FAM184B: variants seen among roughly 807,000 people sequenced by gnomAD.
FAM184B encodes protein FAM184B.
FAM184B carries 111 observed loss-of-function variants against 135.9 expected under a neutral mutation model. The ratio of observed to expected loss-of-function variants is 0.82; its 90% CI spans 0.70 to 0.96. FAM184B has a LOEUF of 0.96. Among genes scored for constraint, FAM184B ranks in the 40% least tolerant of loss-of-function variants. The pLI is 0.00. For missense variants in FAM184B, 1,375 were observed against 1,323.9 expected, an observed-to-expected ratio of 1.04 and a Z score of -0.60; for synonymous variants, 552 against 524.8, an observed-to-expected ratio of 1.05 and a Z score of -0.71.
At chr4:17,750,647 C>T (rs1718270555) in intron 1 of FAM184B, among the ~76,000 whole-genome samples, 1 of 152,146 alleles carries the variant, frequency 6.6e-6, no homozygotes, top group Non-Finnish European at 1.5e-5. Flanking sequence ...GCCAAATGTC[C>T]CCAGGGGGAA....
chr4:17,633,865 G>T lies in FAM184B; in HGVS notation c.2913C>A (p.Pro971=), dbSNP rs1186548737. Residue 971 remains proline (P), a synonymous_variant, in exon 17 of 18, where the codon CCC becomes CCA. Coordinates refer to ENST00000265018, the MANE Select transcript of FAM184B (RefSeq NM_015688.2). ...SMKKKKVEDV[P]SRVVSVPNLA... is the part of the protein sequence containing the mutation. ...GGTTCGGCACGCTGACCACGCGGCTGGGCACGTCCTCCACCTTCTTTTTCT... is the reference window on the plus strand; with the variant it reads ...GGTTCGGCACGCTGACCACGCGGCTTGGCACGTCCTCCACCTTCTTTTTCT... 3 of 1,550,096 alleles carry T rather than the reference G, an allele frequency of 1.9e-6. No homozygotes were observed. In the African/African-American group the frequency reaches 4.1e-5, roughly 21 times the overall value.
intron 4 of FAM184B, 26 bp from the exon 5 acceptor site, chr4:17,705,232 A>C: frequency 6.5e-7 from 1 of 1,529,484 alleles, no homozygotes; most frequent in Non-Finnish European, 8.9e-7. Context: ...GGACCTTGTA[A>C]AACCACTGGG....
chr4:17,779,762 G>A (rs531038670), intron 1 of FAM184B, among the ~76,000 whole-genome samples: 10 of 152,110 alleles, frequency 6.6e-5, no homozygotes, highest in Middle Eastern at 3.4e-3. Context: ...TATAGCACTC[G>A]TAATTGGAAA....
chr4:17,700,394 T>A (rs747528601), intron 5 of FAM184B, among the ~76,000 whole-genome samples: 11 of 152,142 alleles, frequency 7.2e-5, no homozygotes, highest in Non-Finnish European at 1.5e-4. Flanking sequence ...AAAGCAGACT[T>A]CAGGACAAAA....
chr4:17,760,852 G>T (rs887672442), intron 1 of FAM184B, among the ~76,000 whole-genome samples: 3 of 152,128 alleles, frequency 2.0e-5, no homozygotes, highest in Admixed American at 1.3e-4. Flanking sequence ...AAGGCACTTC[G>T]GGATTTTCAG....
intron 7 of FAM184B, among the ~76,000 whole-genome samples, chr4:17,674,189 G>C (rs1716258795): frequency 6.6e-6 from 1 of 152,032 alleles, no homozygotes; most frequent in South Asian, 2.1e-4. Context: ...AAAGTTAAAA[G>C]ACAAAAGTAT....
chr4:17,679,421 G>T (rs1422244210), intron 7 of FAM184B, among the ~76,000 whole-genome samples: 1 of 152,118 alleles, frequency 6.6e-6, no homozygotes, highest in African/African-American at 2.4e-5. Flanking sequence ...ATGAAAAAAT[G>T]CTCAACATCA....
At chr4:17,647,850 T>C (rs1715511231) in intron 11 of FAM184B, 59 bp from the exon 12 acceptor site, 3 of 1,495,624 alleles carry the variant, frequency 2.0e-6, no homozygotes, top group East Asian at 2.5e-5. Context: ...GCCTGTGTCA[T>C]GGGGACAACA....
intron 10 of FAM184B, 62 bp from the exon 11 acceptor site, chr4:17,653,045 C>G: frequency 6.7e-7 from 1 of 1,488,092 alleles, no homozygotes; most frequent in Non-Finnish European, 9.2e-7. Flanking sequence ...AGACCTGACT[C>G]CTTTGCCAAG....
chr4:17,698,817 T>C (rs545419365), intron 5 of FAM184B, among the ~76,000 whole-genome samples: 1 of 152,306 alleles, frequency 6.6e-6, no homozygotes, highest in Admixed American at 6.5e-5. Context: ...GTAATTTAAC[T>C]GCCTGTCAAA....
rs980588803 is a variant in FAM184B, at chr4:17,739,672, A to G, written c.142-30028T>C. ...CAGGTTCAAGTGATTCTCCTGCCTC[A>G]GCGTCCTGACTAGCTGGGACTACAG... On this transcript the variant is annotated intron_variant, in intron 1 of 17. Transcript: ENST00000265018. Among the ~76,000 whole-genome samples, 7 of 147,368 alleles carry G rather than the reference A, an allele frequency of 4.8e-5. No homozygotes were observed. The South Asian group carries it at 1.5e-3, about 32-fold the overall frequency.
At chr4:17,764,041 C>T (rs1294026161) in intron 1 of FAM184B, among the ~76,000 whole-genome samples, 1 of 152,102 alleles carries the variant, frequency 6.6e-6, no homozygotes, top group Non-Finnish European at 1.5e-5. Flanking sequence ...CTGTCATCAC[C>T]CACAAATATT....
intron 1 of FAM184B, among the ~76,000 whole-genome samples, chr4:17,736,441 A>T (rs1471319564): frequency 1.3e-5 from 2 of 152,180 alleles, no homozygotes; most frequent in Admixed American, 6.5e-5. Context: ...AGCTGTGTTT[A>T]AAAAAACTCT....
At chr4:17,751,349 C>A (rs546470114) in intron 1 of FAM184B, among the ~76,000 whole-genome samples, 1 of 150,034 alleles carries the variant, frequency 6.7e-6, no homozygotes, top group Non-Finnish European at 1.5e-5. Context: ...GGAAAAAGTA[C>A]CCTTCTTCTT....
intron 1 of FAM184B, among the ~76,000 whole-genome samples, chr4:17,757,530 T>TA (rs1214445799): frequency 1.3e-5 from 2 of 152,138 alleles, no homozygotes; most frequent in Non-Finnish European, 2.9e-5. Context: ...GGGAATGTTA[T>TA]AAAAAAGAAT....
rs986486500 is a variant in FAM184B, at chr4:17,726,915, A to G, written c.142-17271T>C. On this transcript the variant is annotated intron_variant, in intron 1 of 17. Transcript: ENST00000265018. Reference sequence around the variant, plus strand: ...CTAATGCTGATGGATCACTGTGGCCAATGGGATAGAATATTCTGATTGGCT... The same window carrying G: ...CTAATGCTGATGGATCACTGTGGCCGATGGGATAGAATATTCTGATTGGCT... Among the ~76,000 whole-genome samples, 3 of 152,290 alleles carry G rather than the reference A, an allele frequency of 2.0e-5. No homozygotes were observed. The East Asian group carries it at 5.8e-4, about 29-fold the overall frequency.
intron 10 of FAM184B, 149 bp downstream of exon 10, chr4:17,658,201 C>T: frequency 1.3e-6 from 1 of 797,926 alleles, no homozygotes; most frequent in South Asian, 1.8e-5. Flanking sequence ...GAGCCTCTTT[C>T]TTCATCTGGA....
chr4:17,778,782 C>T (rs1357347898), intron 1 of FAM184B, among the ~76,000 whole-genome samples: 1 of 152,038 alleles, frequency 6.6e-6, no homozygotes, highest in African/African-American at 2.4e-5. Flanking sequence ...TTGCTTGAGG[C>T]CAGGAGCTTG....
chr4:17,735,074 C>T (rs574101072), intron 1 of FAM184B, among the ~76,000 whole-genome samples: 23 of 151,590 alleles, frequency 1.5e-4, no homozygotes, highest in Non-Finnish European at 2.6e-4. Context: ...AGCAAACTAT[C>T]GCAAGGAGAA....
Sources: gnomAD v4.1 joint callset for allele counts (sites outside exome capture counted in the v4.1 genomes callset) on GRCh38, gnomAD v4.1.1 for gene constraint, MANE v1.5 for transcripts, NCBI Gene and HGNC (gene_info 2026-07-23, HGNC 2026-07-21) for gene names.